Variants in MYBPC1 observed in about 807,000 individuals in gnomAD.
The protein encoded by MYBPC1 is myosin-binding protein C, slow-type.
MYBPC1 carries 52 observed loss-of-function variants against 147.1 expected under a neutral mutation model. That is an observed-to-expected ratio of 0.35 (90% CI 0.28 to 0.45). The LOEUF (loss-of-function observed/expected upper bound fraction) is 0.45, where lower values mean the gene tolerates loss of function less well. Among genes scored for constraint, MYBPC1 ranks in the 20% least tolerant of loss-of-function variants. The pLI, the probability that MYBPC1 is intolerant of heterozygous loss-of-function variation, is 1.00. For synonymous variants in MYBPC1, 477 were observed against 475.9 expected, an observed-to-expected ratio of 1.00 and a Z score of -0.03; for missense variants, 1,228 against 1,440.3, an observed-to-expected ratio of 0.85 and a Z score of 2.39.
intron 12 of MYBPC1, among the ~76,000 whole-genome samples, chr12:101,646,151 G>A (rs1269258693): frequency 6.6e-6 from 1 of 151,998 alleles, no homozygotes; most frequent in Non-Finnish European, 1.5e-5. Flanking sequence ...TCTTCCAACA[G>A]TGGGTTAAAA....
chr12:101,640,958 T>C (rs1251259930), intron 10 of MYBPC1, among the ~76,000 whole-genome samples: 3 of 151,598 alleles, frequency 2.0e-5, no homozygotes, highest in Non-Finnish European at 1.5e-5. Context: ...CTACTAAAAA[T>C]ACAAAAATTA....
chr12:101,641,886 T>C (rs1408055476), intron 10 of MYBPC1, among the ~76,000 whole-genome samples: 1 of 152,136 alleles, frequency 6.6e-6, no homozygotes, highest in Non-Finnish European at 1.5e-5. Flanking sequence ...GTTACTAATA[T>C]GGTAGGGAAA....
chr12:101,680,317 C>T (rs758660573), intron 28 of MYBPC1, 26 bp from the exon 29 acceptor site: 1 of 1,607,254 alleles, frequency 6.2e-7, no homozygotes, highest in Non-Finnish European at 8.5e-7. Context: ...ATGTTTTGAC[C>T]TAAGTTTCTT....
At position 101,646,887 on chromosome 12, in the gene MYBPC1, G is replaced by C; in HGVS notation, c.1090G>C (p.Glu364Gln). ...ATGTTCCACTGAGCTCTTCGTAAGA[G>C]GTAAAAATGAAATCTCTTATTGTGG... The part of the protein sequence containing the change: ...EKCSTELFVR[E>Q]PPIMVTKQLE... The change falls in exon 13 of 32, where the codon GAG becomes CAG. Residue 364 changes from glutamate to glutamine, a missense_variant and splice_region_variant. Transcript: ENST00000361466. 1 of 1,614,124 alleles carries C rather than the reference G, an allele frequency of 6.2e-7. No individual in the cohort carries two copies. Among genetic ancestry groups the C allele is most frequent in the Non-Finnish European group, 8.5e-7 (1 of 1,180,010 alleles).
intron 16 of MYBPC1, among the ~76,000 whole-genome samples, chr12:101,651,843 A>G (rs970527908): frequency 3.3e-5 from 5 of 152,140 alleles, no homozygotes; most frequent in African/African-American, 1.2e-4. Flanking sequence ...GGGAGGTGGG[A>G]GGATGGCTTG....
At chr12:101,601,626 C>A (rs1240772245) in intron 1 of MYBPC1, among the ~76,000 whole-genome samples, 1 of 152,208 alleles carries the variant, frequency 6.6e-6, no homozygotes, top group Non-Finnish European at 1.5e-5. Context: ...CCCTTTTATA[C>A]TCCCTTAGGA....
At chr12:101,649,788 AT>A (rs1894024158) in intron 15 of MYBPC1, among the ~76,000 whole-genome samples, 1 of 152,242 alleles carries the variant, frequency 6.6e-6, no homozygotes, top group African/African-American at 2.4e-5. Flanking sequence ...TACATTTGGC[AT>A]GAGAAGAAAG....
chr12:101,601,296 A>G (rs1291324650), intron 1 of MYBPC1, among the ~76,000 whole-genome samples: 1 of 152,192 alleles, frequency 6.6e-6, no homozygotes, highest in Non-Finnish European at 1.5e-5. Flanking sequence ...TCTTGTCGTA[A>G]TTCTGCTCTG....
intron 3 of MYBPC1, among the ~76,000 whole-genome samples, chr12:101,624,068 T>C (rs1045074692): frequency 1.3e-5 from 2 of 152,286 alleles, no homozygotes; most frequent in Middle Eastern, 3.4e-3. Context: ...AGCTTTGAGA[T>C]ATCCTGCAGT....
intron 29 of MYBPC1, among the ~76,000 whole-genome samples, chr12:101,681,694 T>C (rs1393428539): frequency 7.1e-6 from 1 of 140,288 alleles, no homozygotes; most frequent in Non-Finnish European, 1.5e-5. Flanking sequence ...CTGCGACCTC[T>C]GCCTCCTGGG....
chr12:101,598,469 G>T (rs1013311089), intron 1 of MYBPC1, among the ~76,000 whole-genome samples: 7 of 152,304 alleles, frequency 4.6e-5, no homozygotes, highest in African/African-American at 1.7e-4. Context: ...CCATAAAAAT[G>T]ATTTCCTCAG....
chr12:101,641,660 C>T (rs1340122232), intron 10 of MYBPC1, among the ~76,000 whole-genome samples: 3 of 152,068 alleles, frequency 2.0e-5, no homozygotes, highest in Non-Finnish European at 4.4e-5. Flanking sequence ...ATAACTCATA[C>T]CCAATTTGCT....
chr12:101,643,160 T>G (rs1892411377), intron 11 of MYBPC1, among the ~76,000 whole-genome samples: 1 of 152,244 alleles, frequency 6.6e-6, no homozygotes, highest in Non-Finnish European at 1.5e-5. Context: ...ATGGGTTTTA[T>G]GACACATCAG....
chr12:101,672,846 C>A (rs770149171), intron 24 of MYBPC1, among the ~76,000 whole-genome samples: 13 of 147,414 alleles, frequency 8.8e-5, no homozygotes, highest in African/African-American at 2.0e-4. Context: ...CAAACTCTGT[C>A]AAAAAAAAAA....
chr12:101,646,149 C>T (rs1337701783), intron 12 of MYBPC1, among the ~76,000 whole-genome samples: 1 of 152,084 alleles, frequency 6.6e-6, no homozygotes, highest in East Asian at 1.9e-4. Context: ...TATCTTCCAA[C>T]AGTGGGTTAA....
rs948683827 is a variant in MYBPC1, at chr12:101,663,648, C to T, written c.2356+88C>T. 9.2e-6 allele frequency: 13 copies of T among 1,410,478 alleles called. 1 individual carries two copies. Among genetic ancestry groups the T allele is most frequent in the Middle Eastern group, 2.3e-4 (1 of 4,424 alleles). 87.4% of individuals were successfully genotyped at this position (1,410,478 alleles called of 1,614,324 possible). A position where few individuals can be genotyped will look rare whatever the true frequency, so the allele number is the denominator to read the frequency against. On this transcript the variant is annotated intron_variant, in intron 22 of 31. Coordinates refer to ENST00000361466, the MANE Select transcript of MYBPC1 (RefSeq NM_002465.4). The stretch of plus-strand genomic sequence containing the variant: ...TTCTTTTGTCTCTCTTTCTTGAGAA[C>T]GCATCACCTTCCTACGAAAATAAGA...
chr12:101,687,500 T>C (rs1231517003), downstream of MYBPC1, among the ~76,000 whole-genome samples: 5 of 152,224 alleles, frequency 3.3e-5, no homozygotes, highest in Non-Finnish European at 1.5e-5. Context: ...TCTTTGCTAT[T>C]GTGAGTAGTG....
chr12:101,599,846 G>C (rs1438591105), intron 1 of MYBPC1, among the ~76,000 whole-genome samples: 1 of 152,144 alleles, frequency 6.6e-6, no homozygotes, highest in African/African-American at 2.4e-5. Context: ...CCACCATGCT[G>C]TGCTGGAGAT....
intron 2 of MYBPC1, among the ~76,000 whole-genome samples, chr12:101,616,588 G>T (rs1886136536): frequency 6.6e-6 from 1 of 151,982 alleles, no homozygotes; most frequent in African/African-American, 2.4e-5. Context: ...CCATTTGCAG[G>T]TCTAAACTAA....
Sources: allele counts gnomAD v4.1 joint callset (sites outside exome capture counted in the v4.1 genomes callset), GRCh38; gene constraint gnomAD v4.1.1; transcripts MANE v1.5; gene names NCBI Gene and HGNC (gene_info 2026-07-23, HGNC 2026-07-21).